Variants in NRP2 observed in about 807,000 individuals in gnomAD.
The protein encoded by NRP2 is neuropilin-2.
NRP2 carries 52 observed loss-of-function variants against 110.4 expected under a neutral mutation model. The observed-to-expected ratio is 0.47, with a 90% CI of 0.38 to 0.59. The LOEUF (loss-of-function observed/expected upper bound fraction) is 0.59, where lower values mean the gene tolerates loss of function less well. Ranked by LOEUF, NRP2 falls within the 20% of genes least tolerant of loss-of-function variation. NRP2 has a pLI of 0.00. For synonymous variants in NRP2, 508 were observed against 468.9 expected (o/e 1.08, Z -1.08); for missense variants, 1,049 against 1,203.0 (o/e 0.87, Z 1.89).
rs191374221 is a variant in NRP2 at position 205,783,426 on chromosome 2, T to G, written c.2426-8809T>G. On this transcript the variant is annotated intron_variant, in intron 15 of 16. Coordinates refer to ENST00000357785, the MANE Select transcript of NRP2 (RefSeq NM_003872.3). ...TTATTTATGTTTTCTACTAAAAAAT[T>G]TATGTAAAAAACATCCCTTAAGGTC... is the stretch of plus-strand genomic sequence containing the variant. 1.7e-4 allele frequency among the ~76,000 whole-genome samples: 26 copies of G among 152,342 alleles called. No homozygotes were observed. In the East Asian group the frequency reaches 1.9e-3, roughly 11 times the overall value.
intron 7 of NRP2, among the ~76,000 whole-genome samples, chr2:205,730,855 G>C (rs1372064890): frequency 6.6e-6 from 1 of 152,258 alleles, no homozygotes; most frequent in Admixed American, 6.5e-5. Flanking sequence ...GCCTCTGAAA[G>C]AATGCCTTCC....
At chr2:205,789,834 G>A (rs1252838630) in intron 15 of NRP2, among the ~76,000 whole-genome samples, 1 of 152,242 alleles carries the variant, frequency 6.6e-6, no homozygotes, top group Non-Finnish European at 1.5e-5. Flanking sequence ...AAAGGAAAGT[G>A]GCTGGTAAAG....
rs879816776 is a variant in NRP2 at position 205,725,668 on chromosome 2, G to A, written c.821-245G>A. On this transcript the variant is annotated intron_variant, in intron 5 of 16. Coordinates refer to ENST00000357785, the MANE Select transcript of NRP2 (RefSeq NM_003872.3). The surrounding 1 kb of genome is among the most constrained non-coding windows in gnomAD (Gnocchi z 4.1). ...TTTAGATTGTATTTTTAATCTGTAT[G>A]ATGATTCTCTTATTTATCCATAGCC... Among the ~76,000 whole-genome samples, 13 of 152,154 alleles carry A rather than the reference G, an allele frequency of 8.5e-5. No homozygotes were observed. The highest frequency in any genetic ancestry group is 1.9e-4 in the Non-Finnish European group (13 of 68,020).
intron 7 of NRP2, among the ~76,000 whole-genome samples, chr2:205,739,261 G>A (rs533573414): frequency 1.3e-5 from 2 of 152,260 alleles, no homozygotes; most frequent in South Asian, 2.1e-4. Context: ...TAAAAACTTG[G>A]CAAGGATGTT....
chr2:205,705,040 G>C (rs2056645743), intron 2 of NRP2, among the ~76,000 whole-genome samples: 1 of 152,150 alleles, frequency 6.6e-6, no homozygotes, highest in Non-Finnish European at 1.5e-5. Context: ...TATTTTCCTG[G>C]AGTCATGAGT....
intron 1 of NRP2, among the ~76,000 whole-genome samples, chr2:205,685,998 T>C (rs1005213485): frequency 6.6e-6 from 1 of 152,014 alleles, no homozygotes; most frequent in South Asian, 2.1e-4. Context: ...ATCCACGTGG[T>C]GGGGACGTGA....
intron 7 of NRP2, among the ~76,000 whole-genome samples, 157 bp downstream of exon 7, chr2:205,728,203 C>A (rs2057166885): frequency 6.6e-6 from 1 of 152,198 alleles, no homozygotes; most frequent in South Asian, 2.1e-4. Flanking sequence ...TGAAAATCTT[C>A]TCTCTTAGGC....
At chr2:205,759,003 G>C (rs1479461086) in intron 12 of NRP2, among the ~76,000 whole-genome samples, 1 of 152,066 alleles carries the variant, frequency 6.6e-6, no homozygotes, top group Non-Finnish European at 1.5e-5. Flanking sequence ...GTCTGACAGT[G>C]GTGGGCCATA....
chr2:205,707,634 T>A (rs1013343039), intron 2 of NRP2, among the ~76,000 whole-genome samples: 1 of 152,188 alleles, frequency 6.6e-6, no homozygotes, highest in African/African-American at 2.4e-5. Context: ...AAAAATGATA[T>A]GGAGCCTAAA....
intron 7 of NRP2, among the ~76,000 whole-genome samples, chr2:205,732,798 A>T (rs900254529): frequency 6.6e-6 from 1 of 152,186 alleles, no homozygotes; most frequent in African/African-American, 2.4e-5. Context: ...GATAAATGTC[A>T]TCCATCCCAG....
At chr2:205,697,446 T>C (rs1156337899) in intron 1 of NRP2, 98 bp from the exon 2 acceptor site, 1 of 1,142,470 alleles carries the variant, frequency 8.8e-7, no homozygotes, top group African/African-American at 1.5e-5. Flanking sequence ...TGTAAAATAG[T>C]TTTAATCAGA....
chr2:205,748,581 A>G (rs2057583436), intron 10 of NRP2, among the ~76,000 whole-genome samples: 1 of 152,250 alleles, frequency 6.6e-6, no homozygotes, highest in African/African-American at 2.4e-5. Context: ...CGACCGTGAA[A>G]AAGCTATTCA....
At chr2:205,752,006 ACT>A (rs1364357294) in intron 11 of NRP2, among the ~76,000 whole-genome samples, 1 of 151,800 alleles carries the variant, frequency 6.6e-6, no homozygotes, top group South Asian at 2.1e-4. Context: ...CTCAGAAGAA[ACT>A]CTCTTGGTTC....
intron 2 of NRP2, among the ~76,000 whole-genome samples, chr2:205,714,725 C>T (rs908072661): frequency 1.3e-5 from 2 of 152,180 alleles, no homozygotes; most frequent in South Asian, 2.1e-4. Flanking sequence ...TAAGGAGCTT[C>T]AGCGGTTCTT....
At chr2:205,689,139 T>G (rs2056248222) in intron 1 of NRP2, among the ~76,000 whole-genome samples, 1 of 152,026 alleles carries the variant, frequency 6.6e-6, no homozygotes, top group South Asian at 2.1e-4. Flanking sequence ...ACAGGCAAAA[T>G]ATTTGTCTTT....
intron 15 of NRP2, chr2:205,778,089 G>A (rs1246647828): frequency 1.3e-5 from 2 of 152,190 alleles, no homozygotes; most frequent in Non-Finnish European, 2.9e-5. Flanking sequence ...CAGTGTATGA[G>A]GTCTCAGCCT....
intron 14 of NRP2, 152 bp downstream of exon 14, chr2:205,765,722 G>C (rs2057906425): frequency 1.3e-6 from 1 of 774,514 alleles, no homozygotes; most frequent in Admixed American, 1.7e-5. Context: ...GGGTGTAGTT[G>C]TGTCTTAGGC....
At chr2:205,760,618 G>A (rs2057805150) in intron 12 of NRP2, among the ~76,000 whole-genome samples, 1 of 152,084 alleles carries the variant, frequency 6.6e-6, no homozygotes, top group Non-Finnish European at 1.5e-5. Flanking sequence ...TGGGAGAGAA[G>A]GAGAAAGGAG....
chr2:205,738,012 A>G (rs2057374878), intron 7 of NRP2, among the ~76,000 whole-genome samples: 1 of 152,218 alleles, frequency 6.6e-6, no homozygotes, highest in African/African-American at 2.4e-5. Flanking sequence ...ACAATCATTT[A>G]CTCATTGAGG....
Sources: gnomAD v4.1 joint callset for allele counts (sites outside exome capture counted in the v4.1 genomes callset) on GRCh38, gnomAD v4.1.1 for gene constraint, Gnocchi (gnomAD v3.1) non-coding constraint, MANE v1.5 for transcripts, NCBI Gene and HGNC (gene_info 2026-07-23, HGNC 2026-07-21) for gene names.